Variants in ATP10D observed in about 807,000 individuals in gnomAD.
ATP10D encodes the protein phospholipid-transporting ATPase VD.
ATP10D carries 89 observed loss-of-function variants against 144.8 expected under a neutral mutation model. The ratio of observed to expected loss-of-function variants is 0.61; its 90% CI spans 0.52 to 0.73. The LOEUF is 0.73. Ranked by LOEUF, ATP10D falls within the 30% of genes least tolerant of loss-of-function variation. The pLI is 0.00. For missense variants in ATP10D, 1,603 were observed against 1,714.8 expected (o/e 0.93, Z 1.15); for synonymous variants, 571 against 615.1 (o/e 0.93, Z 1.06).
At chr4:47,497,004 G>A (rs1395402192) in intron 1 of ATP10D, among the ~76,000 whole-genome samples, 2 of 152,126 alleles carry the variant, frequency 1.3e-5, no homozygotes, top group East Asian at 1.9e-4. Flanking sequence ...ACCACAACTG[G>A]CTAATTTTTG....
intron 3 of ATP10D, among the ~76,000 whole-genome samples, chr4:47,518,287 A>T (rs1716784563): frequency 6.6e-6 from 1 of 152,162 alleles, no homozygotes; most frequent in African/African-American, 2.4e-5. Context: ...GAAAAGTATC[A>T]TTTGGAATAA....
rs1716546576 is a variant in ATP10D, at chr4:47,514,821, ATACCACATGAACTCTGAATTTCTT to A, written c.291-654_291-631del. 2.6e-5 allele frequency among the ~76,000 whole-genome samples: 4 copies of A among 152,180 alleles called. No individual in the cohort carries two copies. In the South Asian group the frequency reaches 8.3e-4, roughly 31 times the overall value. ...ATCTTTATTTTGTTAATTAATTTTT[ATACCACATGAACTCTGAATTTCTT>A]CTAAATTTTTATGAACTTTTAAAAA... On this transcript the variant is annotated intron_variant, in intron 2 of 22. Coordinates refer to ENST00000273859, the MANE Select transcript of ATP10D (RefSeq NM_020453.4).
chr4:47,486,753 A>AC (rs1356500026), intron 1 of ATP10D, among the ~76,000 whole-genome samples: 1 of 152,232 alleles, frequency 6.6e-6, no homozygotes, highest in East Asian at 1.9e-4. Flanking sequence ...CATTTGGAAA[A>AC]ATAACTTAGC....
chr4:47,488,852 A>G (rs1714918505), intron 1 of ATP10D, among the ~76,000 whole-genome samples: 1 of 152,214 alleles, frequency 6.6e-6, no homozygotes, highest in Non-Finnish European at 1.5e-5. Flanking sequence ...CCCTCATAAA[A>G]GAGGCCACAA....
chr4:47,571,325 T>G (rs935298546), intron 16 of ATP10D, among the ~76,000 whole-genome samples: 2 of 148,486 alleles, frequency 1.3e-5, no homozygotes, highest in African/African-American at 2.4e-5. Flanking sequence ...TACTTATAAT[T>G]TATATCATGC....
chr4:47,542,753 G>A (rs1166537114), intron 9 of ATP10D, among the ~76,000 whole-genome samples: 1 of 152,134 alleles, frequency 6.6e-6, no homozygotes, highest in Admixed American at 6.5e-5. Flanking sequence ...TGCTGGGATT[G>A]CAGGCCTGAG....
In ATP10D at chr4:47,580,446, C is replaced by G. The variant is rs1248068977; in HGVS notation, c.3616C>G (p.Gln1206Glu). 4 of 1,613,664 alleles carry G rather than the reference C, an allele frequency of 2.5e-6. No individual in the cohort carries two copies. In the East Asian group the frequency reaches 6.7e-5, roughly 27 times the overall value. ...GATCACCTTATTGGATGCTTTTTAT[C>G]AAAGCCTGGTCTGCTTCTTTGTGCC... ...FWITLLDAFY[Q>E]SLVCFFVPYF... The change falls in exon 20 of 23, where the codon CAA becomes GAA. Residue 1206 changes from glutamine to glutamate, a missense_variant. Coordinates refer to ENST00000273859, the MANE Select transcript of ATP10D (RefSeq NM_020453.4).
chr4:47,584,923 A>G (rs552302957), intron 21 of ATP10D, among the ~76,000 whole-genome samples: 4 of 152,284 alleles, frequency 2.6e-5, no homozygotes, highest in African/African-American at 4.8e-5. Context: ...ATTAGGAGAG[A>G]AAAGAAGAAA....
chr4:47,547,656 C>T (rs369148337), intron 10 of ATP10D: 17 of 151,936 alleles, frequency 1.1e-4, no homozygotes, highest in Admixed American at 9.2e-4. Flanking sequence ...AAATAGGTGA[C>T]AACAAGAATA....
chr4:47,502,419 G>C (rs28735733), intron 1 of ATP10D, among the ~76,000 whole-genome samples: 5 of 151,584 alleles, frequency 3.3e-5, no homozygotes, highest in African/African-American at 1.2e-4. Context: ...GCAGTGAGCC[G>C]AGATAGCGCC....
chr4:47,580,597 AAC>A, intron 20 of ATP10D, 119 bp downstream of exon 20: 9 of 846,500 alleles, frequency 1.1e-5, no homozygotes, highest in Non-Finnish European at 1.6e-5. Context: ...GTTGATTATT[AAC>A]TGACTAAATT....
intron 18 of ATP10D, 117 bp from the exon 19 acceptor site, chr4:47,576,656 A>G (rs1442291079): frequency 3.4e-6 from 3 of 892,964 alleles, no homozygotes; most frequent in Non-Finnish European, 5.4e-6. Context: ...CCTATCTTAT[A>G]TAAGAAAACT....
At chr4:47,513,667 G>C (rs1054386550) in intron 2 of ATP10D, among the ~76,000 whole-genome samples, 4 of 152,198 alleles carry the variant, frequency 2.6e-5, no homozygotes, top group African/African-American at 7.2e-5. Context: ...AGTGTTCTCT[G>C]ACTTACATGT....
At chr4:47,495,896 C>T (rs1218643575) in intron 1 of ATP10D, among the ~76,000 whole-genome samples, 1 of 152,120 alleles carries the variant, frequency 6.6e-6, no homozygotes, top group Non-Finnish European at 1.5e-5. Flanking sequence ...CGCCACCGCG[C>T]CTGGCTAATT....
intron 17 of ATP10D, 41 bp downstream of exon 17, chr4:47,572,271 T>C (rs375288317): frequency 8.3e-6 from 13 of 1,557,266 alleles, no homozygotes; most frequent in African/African-American, 6.8e-5. Context: ...GGCCTTGACC[T>C]GCCCATCCAA....
At chr4:47,564,052 T>A (rs1719466118) in intron 15 of ATP10D, among the ~76,000 whole-genome samples, 1 of 152,112 alleles carries the variant, frequency 6.6e-6, no homozygotes, top group Non-Finnish European at 1.5e-5. Context: ...CCACCACGCC[T>A]GGCTAATTTT....
chr4:47,520,672 G>A (rs1378199206), intron 3 of ATP10D, among the ~76,000 whole-genome samples: 1 of 151,968 alleles, frequency 6.6e-6, no homozygotes, highest in Non-Finnish European at 1.5e-5. Context: ...GGGTTCAAGC[G>A]ATTCCCCTGC....
At chr4:47,532,841 C>T (rs530873379) in intron 5 of ATP10D, among the ~76,000 whole-genome samples, 3 of 152,190 alleles carry the variant, frequency 2.0e-5, no homozygotes, top group East Asian at 1.9e-4. Flanking sequence ...TCTTAGACCA[C>T]GGGAGTCCAG....
chr4:47,546,515 T>G, intron 9 of ATP10D, 109 bp from the exon 10 acceptor site: 1 of 994,128 alleles, frequency 1.0e-6, no homozygotes, highest in Non-Finnish European at 1.6e-6. Flanking sequence ...CAGCCAGGTT[T>G]GAAAGGGGAG....
Sources: gnomAD v4.1 joint callset for allele counts (sites outside exome capture counted in the v4.1 genomes callset) on GRCh38, gnomAD v4.1.1 for gene constraint, MANE v1.5 for transcripts, NCBI Gene and HGNC (gene_info 2026-07-23, HGNC 2026-07-21) for gene names.